The following JMJD1C variants were observed in gnomAD, a reference collection of about 807,000 sequenced individuals.
The protein encoded by JMJD1C is jumonji domain-containing protein 1C.
In JMJD1C, 31 loss-of-function variants were observed where a neutral mutation model predicts 245.3. The ratio of observed to expected loss-of-function variants is 0.13; its 90% CI spans 0.09 to 0.17. JMJD1C has a LOEUF of 0.17. JMJD1C is among the 10% of genes least tolerant of loss of function. The pLI is 1.00. For missense variants in JMJD1C, 2,691 were observed against 3,000.2 expected (o/e 0.90, Z 2.41); for synonymous variants, 1,057 against 1,017.4 (o/e 1.04, Z -0.74).
intron 1 of JMJD1C, chr10:63,382,960 A>G: frequency 2.5e-6 from 1 of 400,432 alleles, no homozygotes; most frequent in Admixed American, 3.2e-5. Context: ...TTAGTATATA[A>G]GCAAATACCG....
intron 22 of JMJD1C, among the ~76,000 whole-genome samples, chr10:63,178,301 A>C (rs1389029474): frequency 6.6e-6 from 1 of 152,200 alleles, no homozygotes; most frequent in African/African-American, 2.4e-5. Context: ...TTAGGACTAC[A>C]AGAATAGATA....
Position 63,348,535 on chromosome 10 carries a change from C to T in JMJD1C, c.333+31783G>A, listed in dbSNP as rs117530578. On this transcript the variant is annotated intron_variant, in intron 2 of 25. Coordinates refer to ENST00000399262, the MANE Select transcript of JMJD1C (RefSeq NM_032776.3). ...ACAAACAGTAAATCCATATGCAGGT[C>T]GCCTATCTCATGAGTCAAGTCACCT... Among the ~76,000 whole-genome samples the T allele has an allele frequency of 3.8e-3, 580 of 152,222 alleles. 5 individuals carry two copies. Among genetic ancestry groups the T allele is most frequent in the Admixed American group, 5.3e-3 (81 of 15,298 alleles).
chr10:63,187,667 G>C (rs1181343588), intron 18 of JMJD1C, among the ~76,000 whole-genome samples: 2 of 152,132 alleles, frequency 1.3e-5, no homozygotes, highest in African/African-American at 4.8e-5. Context: ...CAACTCCTGG[G>C]CTGAAGCGAT....
chr10:63,241,112 A>G (rs1851428183), intron 3 of JMJD1C, among the ~76,000 whole-genome samples: 1 of 152,230 alleles, frequency 6.6e-6, no homozygotes, highest in Admixed American at 6.5e-5. Context: ...GTTTTAATTT[A>G]TGCACATACA....
intron 1 of JMJD1C, among the ~76,000 whole-genome samples, chr10:63,462,409 T>C (rs939130611): frequency 1.6e-4 from 25 of 152,240 alleles, no homozygotes; most frequent in African/African-American, 5.8e-4. Context: ...ACAAGAAATA[T>C]GTTTGCTACC....
At chr10:63,330,197 C>T (rs753643495) in intron 2 of JMJD1C, among the ~76,000 whole-genome samples, 6 of 152,162 alleles carry the variant, frequency 3.9e-5, no homozygotes, top group Admixed American at 1.3e-4. Context: ...CCACCACACC[C>T]GGCCCTAAGC....
chr10:63,447,777 AAAAAT>A (rs1951801634), intron 1 of JMJD1C, among the ~76,000 whole-genome samples: 1 of 151,854 alleles, frequency 6.6e-6, no homozygotes, highest in East Asian at 1.9e-4. Context: ...CATCTCTACT[AAAAAT>A]AAAAAAATCA....
At chr10:63,472,326 C>A (rs1341007767) in intron 1 of JMJD1C, among the ~76,000 whole-genome samples, 4 of 151,924 alleles carry the variant, frequency 2.6e-5, no homozygotes, top group Admixed American at 6.6e-5. Flanking sequence ...CTTGCAATTT[C>A]TTTTTTATTT....
At chr10:63,415,303 T>G (rs1157110738) in intron 1 of JMJD1C, among the ~76,000 whole-genome samples, 1 of 152,192 alleles carries the variant, frequency 6.6e-6, no homozygotes, top group African/African-American at 2.4e-5. Flanking sequence ...TACTAAATTA[T>G]ATAACCCTTC....
At chr10:63,319,371 T>TC (rs1392917934) in intron 2 of JMJD1C, among the ~76,000 whole-genome samples, 14 of 151,982 alleles carry the variant, frequency 9.2e-5, no homozygotes, top group Non-Finnish European at 7.4e-5. Flanking sequence ...CTTTTTTTTT[T>TC]CCCTCATCTC....
intron 21 of JMJD1C, among the ~76,000 whole-genome samples, 173 bp downstream of exon 21, chr10:63,184,435 G>A (rs1355021279): frequency 6.6e-6 from 1 of 151,850 alleles, no homozygotes; most frequent in African/African-American, 2.4e-5. Flanking sequence ...GTAGAGACAG[G>A]GTTTCACCAT....
intron 2 of JMJD1C, among the ~76,000 whole-genome samples, chr10:63,370,365 C>T (rs1946205639): frequency 2.0e-5 from 3 of 152,220 alleles, no homozygotes; most frequent in Admixed American, 2.0e-4. Flanking sequence ...AAACTCACTG[C>T]AGTGCTATAC....
Position 63,283,844 on chromosome 10 carries a change from C to CA in JMJD1C, c.334-19081dup, listed in dbSNP as rs200011872. On this transcript the variant is annotated intron_variant, in intron 2 of 25. Transcript: ENST00000399262. ...AAGTTACATAATTCAGTGTAAAAAA[C>CA]AAAAAAAAACCATTTAAAGTAGTCA... Among the ~76,000 whole-genome samples the CA allele has an allele frequency of 6.3e-3, 938 of 149,048 alleles. 12 individuals carry two copies. Among genetic ancestry groups the CA allele is most frequent in the African/African-American group, 0.021 (837 of 40,688 alleles).
At chr10:63,478,679 T>C (rs755571981) in intron 1 of JMJD1C, among the ~76,000 whole-genome samples, 13 of 152,194 alleles carry the variant, frequency 8.5e-5, no homozygotes, top group African/African-American at 1.4e-4. Context: ...AGGCAGGGCT[T>C]ATTTCTCCCA....
At chr10:63,254,305 A>T (rs889778305) in intron 3 of JMJD1C, among the ~76,000 whole-genome samples, 1 of 152,170 alleles carries the variant, frequency 6.6e-6, no homozygotes, top group South Asian at 2.1e-4. Context: ...TGAATCTGAA[A>T]ATAATGCACA....
intron 1 of JMJD1C, among the ~76,000 whole-genome samples, chr10:63,450,576 T>A (rs1454630568): frequency 1.3e-5 from 2 of 152,002 alleles, no homozygotes; most frequent in South Asian, 2.1e-4. Context: ...GGAAAAAAAA[T>A]TTTATGATCA....
intron 3 of JMJD1C, among the ~76,000 whole-genome samples, chr10:63,257,431 T>C (rs1257968202): frequency 1.3e-5 from 2 of 152,152 alleles, no homozygotes; most frequent in African/African-American, 4.8e-5. Context: ...TAATTAGGGC[T>C]TGATTCGTTT....
At chr10:63,195,733 G>A (rs1845384805) in intron 13 of JMJD1C, among the ~76,000 whole-genome samples, 1 of 151,900 alleles carries the variant, frequency 6.6e-6, no homozygotes, top group African/African-American at 2.4e-5. Context: ...GAGGTCAGGA[G>A]ATCGAGACCA....
At chr10:63,511,231 T>A (rs1292084457) in intron 1 of JMJD1C, among the ~76,000 whole-genome samples, 1 of 152,210 alleles carries the variant, frequency 6.6e-6, no homozygotes, top group East Asian at 1.9e-4. Flanking sequence ...GTGGCCCCTG[T>A]TCTTTGTTCC....
Sources: allele counts gnomAD v4.1 joint callset (sites outside exome capture counted in the v4.1 genomes callset), GRCh38; gene constraint gnomAD v4.1.1; transcripts MANE v1.5; gene names NCBI Gene and HGNC (gene_info 2026-07-23, HGNC 2026-07-21).